The following SPOCK3 variants were observed in gnomAD, a reference collection of about 807,000 sequenced individuals.
SPOCK3 encodes testican-3.
A neutral mutation model predicts 56.6 loss-of-function variants in SPOCK3; 30 were observed. The observed-to-expected ratio is 0.53, with a 90% CI of 0.40 to 0.72. The LOEUF (loss-of-function observed/expected upper bound fraction) is 0.72, where lower values mean the gene tolerates loss of function less well. Ranked by LOEUF, SPOCK3 falls within the 30% of genes least tolerant of loss-of-function variation. The pLI is 0.00. For missense variants in SPOCK3, 527 were observed against 530.0 expected, an observed-to-expected ratio of 0.99 and a Z score of 0.06; for synonymous variants, 196 against 183.3, an observed-to-expected ratio of 1.07 and a Z score of -0.56.
At chr4:167,121,101 T>G (rs1761829861) in intron 2 of SPOCK3, among the ~76,000 whole-genome samples, 1 of 151,718 alleles carries the variant, frequency 6.6e-6, no homozygotes, top group Admixed American at 6.6e-5. Context: ...GGGTGTTTTT[T>G]TAAATCTATT....
At chr4:166,939,672 C>T (rs1740831370) in intron 4 of SPOCK3, among the ~76,000 whole-genome samples, 1 of 152,170 alleles carries the variant, frequency 6.6e-6, no homozygotes, top group South Asian at 2.1e-4. Context: ...AGTAGGAGCT[C>T]ATTAACTGCT....
chr4:166,745,464 G>T (rs1405397235), intron 8 of SPOCK3, among the ~76,000 whole-genome samples: 1 of 152,158 alleles, frequency 6.6e-6, no homozygotes, highest in Non-Finnish European at 1.5e-5. Flanking sequence ...CACCAGGCCT[G>T]CCTTATAAGA....
intron 3 of SPOCK3, among the ~76,000 whole-genome samples, chr4:167,027,355 T>C (rs1403972531): frequency 6.6e-6 from 1 of 152,072 alleles, no homozygotes; most frequent in East Asian, 1.9e-4. Flanking sequence ...GTCTGGTTCA[T>C]ACAACCTCAT....
chr4:167,055,068 A>T (rs1754646611), intron 3 of SPOCK3, among the ~76,000 whole-genome samples: 1 of 152,162 alleles, frequency 6.6e-6, no homozygotes, highest in South Asian at 2.1e-4. Context: ...GGATATATTA[A>T]TAGTTAAAAC....
chr4:166,925,388 C>A (rs1382755231), intron 4 of SPOCK3, among the ~76,000 whole-genome samples: 1 of 151,906 alleles, frequency 6.6e-6, no homozygotes, highest in Middle Eastern at 3.2e-3. Context: ...GAAGAAAAAA[C>A]GTATTCCCCA....
chr4:167,044,789 A>C (rs1348971839), intron 3 of SPOCK3, among the ~76,000 whole-genome samples: 1 of 151,956 alleles, frequency 6.6e-6, no homozygotes. Context: ...TTATTGTATG[A>C]TTTTTATTAC....
chr4:167,182,392 T>TA (rs1464366647), intron 2 of SPOCK3, among the ~76,000 whole-genome samples: 1 of 120,034 alleles, frequency 8.3e-6, no homozygotes, highest in Admixed American at 9.2e-5. Flanking sequence ...AGGAATTCCT[T>TA]AAAGACAAAA....
intron 4 of SPOCK3, among the ~76,000 whole-genome samples, chr4:166,955,559 TTATTAAATTTAATATAATTAAATTA>T (rs1485210820): frequency 8.6e-6 from 1 of 116,402 alleles, no homozygotes; most frequent in African/African-American, 4.2e-5. Context: ...TTATATTATA[TTATTAAATTTAATATAATTAAATTA>T]TATTAAATTT....
At chr4:167,128,904 G>T (rs1366271614) in intron 2 of SPOCK3, among the ~76,000 whole-genome samples, 1 of 152,094 alleles carries the variant, frequency 6.6e-6, no homozygotes, top group African/African-American at 2.4e-5. Flanking sequence ...GATGGATGGG[G>T]TTTATTGTAT....
At chr4:166,806,252 C>T (rs1743155566) in intron 6 of SPOCK3, among the ~76,000 whole-genome samples, 1 of 152,006 alleles carries the variant, frequency 6.6e-6, no homozygotes, top group East Asian at 1.9e-4. Flanking sequence ...CTTCACATGG[C>T]TCAAGTCTTT....
intron 2 of SPOCK3, among the ~76,000 whole-genome samples, chr4:167,146,373 C>T (rs980282315): frequency 2.0e-5 from 3 of 152,078 alleles, no homozygotes; most frequent in Admixed American, 6.6e-5. Context: ...GAGACTTTAA[C>T]GCCTCACTGT....
At chr4:167,052,195 C>T (rs1754290743) in intron 3 of SPOCK3, among the ~76,000 whole-genome samples, 1 of 152,066 alleles carries the variant, frequency 6.6e-6, no homozygotes, top group African/African-American at 2.4e-5. Flanking sequence ...ACAAATAAAA[C>T]ACCATCATTG....
intron 7 of SPOCK3, among the ~76,000 whole-genome samples, chr4:166,785,894 C>T (rs1389434471): frequency 6.6e-6 from 1 of 152,042 alleles, no homozygotes. Flanking sequence ...TTGGTTTGTT[C>T]GTTCAACAAA....
intron 2 of SPOCK3, among the ~76,000 whole-genome samples, chr4:167,126,273 C>T (rs181068586): frequency 9.0e-4 from 137 of 152,232 alleles, no homozygotes; most frequent in African/African-American, 3.1e-3. Flanking sequence ...GTAGGCCGGG[C>T]GCTGTGGCTC....
chr4:167,125,227 AT>A (rs869191513), intron 2 of SPOCK3, among the ~76,000 whole-genome samples: 1 of 143,042 alleles, frequency 7.0e-6, no homozygotes, highest in African/African-American at 2.6e-5. Context: ...TTATTTATTT[AT>A]TTTTATTTAT....
At chr4:167,043,926 G>T (rs1254566519) in intron 3 of SPOCK3, among the ~76,000 whole-genome samples, 1 of 151,968 alleles carries the variant, frequency 6.6e-6, no homozygotes, top group Non-Finnish European at 1.5e-5. Flanking sequence ...GTGTTTGTCT[G>T]ATTTTGATAT....
intron 4 of SPOCK3, among the ~76,000 whole-genome samples, chr4:166,948,683 C>T (rs1173430275): frequency 2.0e-5 from 3 of 152,088 alleles, no homozygotes; most frequent in Non-Finnish European, 4.4e-5. Context: ...AATATCTATT[C>T]AACTTGTAGA....
chr4:166,776,418 A>G (rs369746884), intron 7 of SPOCK3, among the ~76,000 whole-genome samples: 2 of 148,342 alleles, frequency 1.3e-5, no homozygotes, highest in Admixed American at 6.7e-5. Context: ...TCTCAAAACA[A>G]AAGAAAACAA....
At chr4:167,218,295 G>C (rs1735566528) in intron 2 of SPOCK3, among the ~76,000 whole-genome samples, 1 of 152,110 alleles carries the variant, frequency 6.6e-6, no homozygotes, top group African/African-American at 2.4e-5. Context: ...CTCAGATGAT[G>C]TTTTGACGTT....
Sources: allele counts gnomAD v4.1 joint callset (sites outside exome capture counted in the v4.1 genomes callset), GRCh38; gene constraint gnomAD v4.1.1; transcripts MANE v1.5; gene names NCBI Gene and HGNC (gene_info 2026-07-23, HGNC 2026-07-21).